Variants in DAP observed in about 807,000 individuals in gnomAD.
DAP encodes the protein death associated protein.
DAP carries 8 observed loss-of-function variants against 13.8 expected under a neutral mutation model. That is an observed-to-expected ratio of 0.58 (90% CI 0.34 to 1.05). The LOEUF is 1.05. DAP is among the 50% of genes least tolerant of loss of function. DAP has a pLI of 0.03. For missense variants in DAP, 106 were observed against 133.2 expected (o/e 0.80, Z 1.01); for synonymous variants, 47 against 47.5 (o/e 0.99, Z 0.04).
At chr5:10,725,332 G>C (rs574046960) in intron 2 of DAP, among the ~76,000 whole-genome samples, 2 of 152,168 alleles carry the variant, frequency 1.3e-5, no homozygotes, top group Non-Finnish European at 2.9e-5. Context: ...TCCTGAGCTC[G>C]GGCTGTCTCC....
At chr5:10,712,894 T>C (rs572153332) in intron 2 of DAP, among the ~76,000 whole-genome samples, 1 of 152,276 alleles carries the variant, frequency 6.6e-6, no homozygotes, top group East Asian at 1.9e-4. Flanking sequence ...AACCTCAAGA[T>C]ATCAAATGGA....
intron 1 of DAP, among the ~76,000 whole-genome samples, chr5:10,754,160 G>T (rs930534469): frequency 2.6e-5 from 4 of 152,184 alleles, no homozygotes; most frequent in Non-Finnish European, 5.9e-5. Flanking sequence ...ACCTGAAGGT[G>T]GGAACCCTAA....
intron 1 of DAP, among the ~76,000 whole-genome samples, chr5:10,759,204 C>T (rs202018628): frequency 1.3e-5 from 2 of 152,166 alleles, no homozygotes; most frequent in East Asian, 1.9e-4. Context: ...CAAAAAACTT[C>T]TTTATGGGTG....
intron 2 of DAP, among the ~76,000 whole-genome samples, chr5:10,699,928 A>G (rs1230179639): frequency 6.6e-6 from 1 of 152,224 alleles, no homozygotes; most frequent in South Asian, 2.1e-4. Flanking sequence ...ACCAGTGAAG[A>G]TATCTATGTG....
At chr5:10,727,000 C>T (rs1053998291) in intron 2 of DAP, among the ~76,000 whole-genome samples, 3 of 152,072 alleles carry the variant, frequency 2.0e-5, no homozygotes, top group Admixed American at 2.0e-4. Flanking sequence ...TCTCCACTGT[C>T]GAGAGGGAGA....
intron 2 of DAP, among the ~76,000 whole-genome samples, chr5:10,727,291 C>CACAATGGA (rs1443759405): frequency 6.6e-6 from 1 of 152,158 alleles, no homozygotes; most frequent in Non-Finnish European, 1.5e-5. Context: ...GAGAACCACC[C>CACAATGGA]ACAATGGAAC....
At position 10,680,984 on chromosome 5, in the gene DAP, T is replaced by C; in HGVS notation, c.*72A>G. ...CAGAGTAGGATTTGGGCGAAACTGC[T>C]GGTTCTCTCTGTCAGGGAAATACCA... is the stretch of plus-strand genomic sequence containing the variant. On this transcript the variant is annotated 3_prime_UTR_variant, in exon 4 of 4. Coordinates refer to ENST00000230895, the MANE Select transcript of DAP (RefSeq NM_004394.3). The C allele has an allele frequency of 6.5e-7, 1 of 1,548,872 alleles. No individual in the cohort carries two copies. The highest frequency in any genetic ancestry group is 8.7e-7 in the Non-Finnish European group (1 of 1,147,456).
chr5:10,720,096 G>A (rs1195021669), intron 2 of DAP, among the ~76,000 whole-genome samples: 1 of 152,166 alleles, frequency 6.6e-6, no homozygotes, highest in African/African-American at 2.4e-5. Flanking sequence ...GGTCAGGGAG[G>A]TCATTCCAAG....
At chr5:10,718,149 A>T (rs1370877615) in intron 2 of DAP, among the ~76,000 whole-genome samples, 1 of 152,212 alleles carries the variant, frequency 6.6e-6, no homozygotes, top group Non-Finnish European at 1.5e-5. Flanking sequence ...AAATGATCAG[A>T]CATTTCAGGG....
At chr5:10,726,760 AGTGT>A (rs10553933) in intron 2 of DAP, among the ~76,000 whole-genome samples, 14,049 of 151,888 alleles carry the variant, frequency 0.092, 890 homozygotes, top group African/African-American at 0.18. Flanking sequence ...TGTGTGGAAA[AGTGT>A]GTGTGTGTGT....
At chr5:10,758,943 T>C (rs1043047848) in intron 1 of DAP, among the ~76,000 whole-genome samples, 1 of 152,202 alleles carries the variant, frequency 6.6e-6, no homozygotes, top group African/African-American at 2.4e-5. Flanking sequence ...TATGGGCACT[T>C]TGGAAGGCTG....
At chr5:10,728,278 G>A (rs1348250381) in intron 2 of DAP, among the ~76,000 whole-genome samples, 3 of 152,108 alleles carry the variant, frequency 2.0e-5, no homozygotes. Context: ...CTGGGAATTT[G>A]ATGTGTTTAT....
chr5:10,739,787 TCACACACACACA>T (rs35309839), intron 2 of DAP, among the ~76,000 whole-genome samples: 5 of 148,612 alleles, frequency 3.4e-5, no homozygotes, highest in Non-Finnish European at 4.5e-5. Context: ...CTAAATTAAC[TCACACACACACA>T]CACACACACA....
At chr5:10,711,688 T>A (rs934623496) in intron 2 of DAP, among the ~76,000 whole-genome samples, 1 of 152,182 alleles carries the variant, frequency 6.6e-6, no homozygotes, top group African/African-American at 2.4e-5. Context: ...GCCACCTTAC[T>A]CTGGGTGGGA....
chr5:10,748,559 C>T (rs1000758892), intron 1 of DAP, among the ~76,000 whole-genome samples: 1 of 152,240 alleles, frequency 6.6e-6, no homozygotes, highest in Non-Finnish European at 1.5e-5. Flanking sequence ...GTAACGAGGG[C>T]ACAAACTACA....
chr5:10,702,125 C>T (rs1047349747), intron 2 of DAP, among the ~76,000 whole-genome samples: 1 of 152,198 alleles, frequency 6.6e-6, no homozygotes, highest in Non-Finnish European at 1.5e-5. Context: ...CGCATGGCTC[C>T]CCTTCAAGGT....
intron 2 of DAP, among the ~76,000 whole-genome samples, chr5:10,726,228 G>A (rs573114053): frequency 3.3e-5 from 5 of 152,228 alleles, no homozygotes; most frequent in Admixed American, 6.5e-5. Flanking sequence ...CAATTAGGAA[G>A]TTATCATTAC....
At chr5:10,747,107 C>A (rs1402355213) in intron 2 of DAP, among the ~76,000 whole-genome samples, 1 of 152,208 alleles carries the variant, frequency 6.6e-6, no homozygotes, top group Non-Finnish European at 1.5e-5. Flanking sequence ...GCCTAATCCA[C>A]AGGAATCAAG....
intron 2 of DAP, among the ~76,000 whole-genome samples, chr5:10,713,210 G>A (rs944654909): frequency 2.0e-5 from 3 of 152,168 alleles, no homozygotes; most frequent in Admixed American, 2.0e-4. Flanking sequence ...GGGGAAACTG[G>A]AATCTCAGCA....
Sources: allele counts gnomAD v4.1 joint callset (sites outside exome capture counted in the v4.1 genomes callset), GRCh38; gene constraint gnomAD v4.1.1; transcripts MANE v1.5; gene names NCBI Gene and HGNC (gene_info 2026-07-23, HGNC 2026-07-21).